NRG1: variants seen among roughly 807,000 people sequenced by gnomAD.
NRG1 encodes pro-neuregulin-1, membrane-bound isoform.
Under a neutral mutation model 63.8 loss-of-function variants are expected in NRG1, and 18 were observed. The ratio of observed to expected loss-of-function variants is 0.28; its 90% CI spans 0.19 to 0.42. NRG1 has a LOEUF of 0.42. NRG1 is among the 10% of genes least tolerant of loss of function. The probability of loss-of-function intolerance (pLI) is 1.00; values close to 1 mark genes in which losing one functional copy is unlikely to be tolerated. For missense variants in NRG1, 762 were observed against 814.7 expected, an observed-to-expected ratio of 0.94 and a Z score of 0.79; for synonymous variants, 302 against 301.3, an observed-to-expected ratio of 1.00 and a Z score of -0.02.
intron 1 of NRG1, among the ~76,000 whole-genome samples, chr8:32,240,029 G>A (rs1049279323): frequency 4.6e-5 from 7 of 152,162 alleles, no homozygotes; most frequent in South Asian, 4.2e-4. Flanking sequence ...TTTACCATAT[G>A]ATTCAGCAGT....
At position 32,742,700 on chromosome 8, in the gene NRG1, C is replaced by T. The variant is rs2129040224; in HGVS notation, c.658C>T (p.Arg220Cys). 6.2e-7 allele frequency: 1 copy of T among 1,613,634 alleles called. No homozygotes were observed. Among genetic ancestry groups the T allele is most frequent in the South Asian group, 1.1e-5 (1 of 91,066 alleles). The change falls in exon 7 of 12, where the codon CGC becomes TGC. Residue 220 changes from arginine to cysteine, a missense_variant. Coordinates refer to ENST00000356819, the Ensembl canonical transcript of NRG1. This position sits in a 1 kb window ranked among gnomAD's most constrained non-coding sequence, Gnocchi z 4.2. ...GTGCCCAAATGAGTTTACTGGTGAT[C>T]GCTGCCAAAACTACGTAATGGCCAG... is the stretch of plus-strand genomic sequence containing the variant.
intron 1 of NRG1, among the ~76,000 whole-genome samples, chr8:32,264,899 G>A (rs879724413): frequency 2.2e-4 from 33 of 152,100 alleles, no homozygotes; most frequent in African/African-American, 6.0e-4. Context: ...AGGCTGCCTA[G>A]ATATGCAAAG....
At chr8:32,485,358 G>A (rs577369178) in intron 1 of NRG1, among the ~76,000 whole-genome samples, 6 of 150,036 alleles carry the variant, frequency 4.0e-5, no homozygotes, top group Admixed American at 2.7e-4. Context: ...CTCCCTCCTC[G>A]GCCTCCCAAA....
chr8:32,336,667 T>C (rs1803310961), intron 1 of NRG1, among the ~76,000 whole-genome samples: 1 of 152,126 alleles, frequency 6.6e-6, no homozygotes, highest in Non-Finnish European at 1.5e-5. Flanking sequence ...TGAAGTGCAG[T>C]GGCACAATCT....
chr8:32,357,344 T>C (rs1018104549), intron 1 of NRG1, among the ~76,000 whole-genome samples: 1 of 152,202 alleles, frequency 6.6e-6, no homozygotes, highest in Admixed American at 6.5e-5. Flanking sequence ...TGTAAAATCA[T>C]GGAGGACAGC....
At chr8:32,611,954 A>G (rs1588685207) in intron 3 of NRG1, among the ~76,000 whole-genome samples, 1 of 152,192 alleles carries the variant, frequency 6.6e-6, no homozygotes, top group African/African-American at 2.4e-5. Flanking sequence ...GATATCTTTG[A>G]GACCATGCAA....
intron 1 of NRG1, among the ~76,000 whole-genome samples, chr8:31,980,195 G>T (rs1236219055): frequency 1.3e-5 from 2 of 151,908 alleles, no homozygotes; most frequent in East Asian, 1.9e-4. Flanking sequence ...GAATGAAATG[G>T]TTCTGCTAAT....
intron 5 of NRG1, among the ~76,000 whole-genome samples, chr8:32,650,630 G>A (rs1182761895): frequency 1.9e-5 from 2 of 103,554 alleles, no homozygotes; most frequent in Non-Finnish European, 3.6e-5. Context: ...GTTTAAAAAG[G>A]TTGTAACCAC....
At chr8:31,958,596 G>A (rs1262417117) in intron 1 of NRG1, among the ~76,000 whole-genome samples, 1 of 152,194 alleles carries the variant, frequency 6.6e-6, no homozygotes, top group African/African-American at 2.4e-5. Context: ...TGGAGACAGA[G>A]TCTTGCATGG....
intron 5 of NRG1, among the ~76,000 whole-genome samples, chr8:32,680,300 A>T (rs1808256045): frequency 6.6e-6 from 1 of 152,160 alleles, no homozygotes; most frequent in African/African-American, 2.4e-5. Context: ...TTTGCCCAGG[A>T]CAGGGAACTT....
intron 1 of NRG1, among the ~76,000 whole-genome samples, chr8:32,054,986 C>T (rs1822669065): frequency 7.0e-6 from 1 of 143,796 alleles, no homozygotes; most frequent in South Asian, 2.3e-4. Context: ...CTCCCGGGTT[C>T]AAGCAATTCT....
intron 7 of NRG1, chr8:32,749,847 T>C (rs1164975614): frequency 1.2e-5 from 6 of 518,760 alleles, no homozygotes; most frequent in Admixed American, 7.3e-5. Context: ...TTCACATATA[T>C]CCCACGCTGC....
rs574116879 is a variant in NRG1 at position 32,118,802 on chromosome 8, G to A, written c.38-477026G>A. On this transcript the variant is annotated intron_variant, in intron 1 of 10. Coordinates refer to the NRG1 transcript ENST00000519301. ...TCCAAGGCATCAGATACCTTCTGTG[G>A]TGTTGTTTCACCGTCCTTTGAAGTG... Among the ~76,000 whole-genome samples, 275 of 152,138 alleles carry A rather than the reference G, an allele frequency of 1.8e-3. 1 individual carries two copies. Among genetic ancestry groups the A allele is most frequent in the Non-Finnish European group, 2.8e-3 (190 of 67,978 alleles).
intron 1 of NRG1, among the ~76,000 whole-genome samples, chr8:31,739,340 A>G (rs1480559123): frequency 6.6e-6 from 1 of 152,062 alleles, no homozygotes; most frequent in African/African-American, 2.4e-5. Context: ...CTAAAAGGCT[A>G]TTCTGATTAA....
intron 1 of NRG1, among the ~76,000 whole-genome samples, chr8:32,240,203 T>C (rs76038144): frequency 0.044 from 6,687 of 152,186 alleles, 315 homozygotes; most frequent in African/African-American, 0.12. Flanking sequence ...AGCTATACTA[T>C]GACATACTAT....
intron 1 of NRG1, among the ~76,000 whole-genome samples, chr8:31,714,645 G>A (rs565436690): frequency 6.6e-6 from 1 of 152,214 alleles, no homozygotes; most frequent in African/African-American, 2.4e-5. Flanking sequence ...AAAGCACTTT[G>A]CTTCCTGAGA....
chr8:32,233,415 C>G (rs1847166925), intron 1 of NRG1, among the ~76,000 whole-genome samples: 2 of 151,590 alleles, frequency 1.3e-5, no homozygotes, highest in Admixed American at 1.3e-4. Context: ...CATGAGTGTA[C>G]ATTATAAATA....
intron 1 of NRG1, among the ~76,000 whole-genome samples, chr8:32,303,423 A>G (rs1400218772): frequency 6.6e-6 from 1 of 152,184 alleles, no homozygotes; most frequent in African/African-American, 2.4e-5. Flanking sequence ...AGGTGGAGCT[A>G]CAGAACATGC....
chr8:32,044,112 A>G (rs924112578), intron 1 of NRG1, among the ~76,000 whole-genome samples: 2 of 151,974 alleles, frequency 1.3e-5, no homozygotes, highest in African/African-American at 4.8e-5. Flanking sequence ...GGTGGGAACT[A>G]TAAACCATGC....
Sources: allele counts gnomAD v4.1 joint callset (sites outside exome capture counted in the v4.1 genomes callset), GRCh38; gene constraint gnomAD v4.1.1; non-coding constraint Gnocchi (gnomAD v3.1); transcripts MANE v1.5; gene names NCBI Gene and HGNC (gene_info 2026-07-23, HGNC 2026-07-21).